Variants in SZT2 observed in about 807,000 individuals in gnomAD.
SZT2 encodes the protein SZT2 subunit of KICSTOR complex, also known as KICSTOR complex protein SZT2.
Under a neutral mutation model 404.2 loss-of-function variants are expected in SZT2, and 216 were observed. That is an observed-to-expected ratio of 0.53 (90% confidence interval 0.48 to 0.60). SZT2 has a LOEUF of 0.60. Among genes scored for constraint, SZT2 ranks in the 20% least tolerant of loss-of-function variants. The pLI is 0.00. For missense variants in SZT2, 3,857 were observed against 4,459.2 expected (o/e 0.86, Z 3.85); for synonymous variants, 1,693 against 1,749.9 (o/e 0.97, Z 0.81).
At chr1:43,440,272 A>G (rs1290817217) in intron 51 of SZT2, among the ~76,000 whole-genome samples, 181 bp from the exon 52 acceptor site, 2 of 152,204 alleles carry the variant, frequency 1.3e-5, no homozygotes, top group Non-Finnish European at 2.9e-5. Flanking sequence ...AGAGAGGGCT[A>G]TTGCATCAGA....
rs756262714 is a variant in SZT2 at position 43,451,956 on chromosome 1, A to C, written c.*1476A>C. The C allele has an allele frequency of 6.2e-7, 1 of 1,612,170 alleles. No individual in the cohort carries two copies. On this transcript the variant is annotated 3_prime_UTR_variant, in exon 72 of 72. Coordinates refer to ENST00000634258, the MANE Select transcript of SZT2 (RefSeq NM_001365999.1). ...GTACCCTGCTGGGGCGTGTCCAGGA[A>C]GTACTGGGGGTCAGTGATGCGGGTG... is the stretch of plus-strand genomic sequence containing the variant.
chr1:43,434,209 C>A (rs887536665), intron 40 of SZT2, among the ~76,000 whole-genome samples, 177 bp from the exon 41 acceptor site: 6 of 152,206 alleles, frequency 3.9e-5, no homozygotes, highest in African/African-American at 1.4e-4. Flanking sequence ...TTCCATTTCC[C>A]ACCAGGTTTA....
At chr1:43,446,576 G>A (rs1655699383) in intron 65 of SZT2, 160 bp downstream of exon 65, 2 of 826,746 alleles carry the variant, frequency 2.4e-6, no homozygotes, top group Non-Finnish European at 1.9e-6. Context: ...TCATTCTGGT[G>A]CCATGACTGC....
At chr1:43,422,655 A>ACCCCCCCTCCCCCCCC in intron 13 of SZT2, 23 bp downstream of exon 13, 1 of 1,095,026 alleles carries the variant, frequency 9.1e-7, no homozygotes, top group South Asian at 1.5e-5. Context: ...ATGTCCCTTC[A>ACCCCCCCTCCCCCCCC]CCCCCCGCCC....
intron 1 of SZT2, among the ~76,000 whole-genome samples, chr1:43,392,648 C>T (rs985402221): frequency 3.9e-5 from 6 of 152,178 alleles, no homozygotes; most frequent in African/African-American, 1.4e-4. Context: ...CTCCTGTCCT[C>T]GTGATCCGCC....
rs1427564368 is a variant in SZT2, at chr1:43,397,521, T to G, written c.28-5656T>G. 1.1e-3 allele frequency among the ~76,000 whole-genome samples: 167 copies of G among 151,806 alleles called. No individual in the cohort carries two copies. In the East Asian group the frequency reaches 0.022, roughly 20 times the overall value. On this transcript the variant is annotated intron_variant, in intron 1 of 71. Transcript: ENST00000634258. ...GGAAACAAACATTAAAGTATACAAA[T>G]TCTTTTTTTTTTGAGATGGAGAGAT...
chr1:43,452,595 C>T lies in SZT2; in HGVS notation c.*2115C>T. On this transcript the variant is annotated 3_prime_UTR_variant, in exon 72 of 72. Coordinates refer to ENST00000634258, the MANE Select transcript of SZT2 (RefSeq NM_001365999.1). The stretch of plus-strand genomic sequence containing the variant: ...CTCGGTCCTTCTCCGCAACCTGTAA[C>T]CTGCTAAATTCTCACCTTTAAAAAT... The T allele has an allele frequency of 1.7e-6, 1 of 601,000 alleles. No homozygotes were observed. Among genetic ancestry groups the T allele is most frequent in the Non-Finnish European group, 3.0e-6 (1 of 335,750 alleles). The allele number at this position is 601,000 out of a possible 1,614,324, so 37.2% of individuals were successfully genotyped here.
In SZT2 at chr1:43,419,800, A is replaced by G. The variant is rs1652121634; in HGVS notation, c.946A>G (p.Ile316Val). 6.3e-7 allele frequency: 1 copy of G among 1,598,354 alleles called. No individual in the cohort carries two copies. Among genetic ancestry groups the G allele is most frequent in the Admixed American group, 1.7e-5 (1 of 60,000 alleles). The change falls in exon 8 of 72, where the codon ATC becomes GTC. Residue 316 changes from isoleucine to valine, a missense_variant. By Grantham distance (29) the Ile-to-Val change is conservative. Coordinates refer to ENST00000634258, the MANE Select transcript of SZT2 (RefSeq NM_001365999.1). ...GCCCAATGTGGAATTAATGAAGTTC[A>G]TCGCAATGGCAACATTTGGGTCCTA... ...HVPNVELMKF[I>V]AMATFGSYLS...
Position 43,431,736 on chromosome 1 carries a change from T to C in SZT2, c.5109T>C (p.Asp1703=). 6.2e-7 allele frequency: 1 copy of C among 1,613,444 alleles called. No homozygotes were observed. The highest frequency in any genetic ancestry group is 8.5e-7 in the Non-Finnish European group (1 of 1,179,368). The change falls in exon 36 of 72, where the codon GAT becomes GAC. Residue 1703 remains aspartate, a synonymous_variant. Coordinates refer to ENST00000634258, the MANE Select transcript of SZT2 (RefSeq NM_001365999.1). The part of the protein sequence containing the change: ...TMNEIRWLLE[D]EMVGALRRGG... The stretch of plus-strand genomic sequence containing the variant: ...TGTAGATCCGCTGGTTGTTGGAAGA[T>C]GAGATGGTGGGGGCACTCCGAAGAG...
chr1:43,453,749 G>C lies in SZT2; in HGVS notation c.*3269G>C. 5 of 1,382,942 alleles carry C rather than the reference G, an allele frequency of 3.6e-6. No individual in the cohort carries two copies. The highest frequency in any genetic ancestry group is 4.6e-6 in the Non-Finnish European group (5 of 1,080,354). The allele number at this position is 1,382,942 out of a possible 1,614,324, so 85.7% of individuals were successfully genotyped here. A position where few individuals can be genotyped will look rare whatever the true frequency, so the allele number is the denominator to read the frequency against. On this transcript the variant is annotated 3_prime_UTR_variant, in exon 72 of 72. Transcript: ENST00000634258. ...CCCGCGCGGGGAGGCCGGAGAGCTC[G>C]GGGAATAGCCAGGACAGATTGGCGG...
rs1378431253 is a variant in SZT2 at position 43,445,884 on chromosome 1, T to C, written c.8826-10T>C. On this transcript the variant is annotated splice_polypyrimidine_tract_variant and intron_variant, in intron 62 of 71. Transcript: ENST00000634258. ...TGCCTCATCCTCTTATCCCTCCTCCTTTTCTATAGCACCAGCCGGCCACGG... is the reference window on the plus strand; with the variant it reads ...TGCCTCATCCTCTTATCCCTCCTCCCTTTCTATAGCACCAGCCGGCCACGG... The C allele has an allele frequency of 2.5e-6, 4 of 1,614,094 alleles. No homozygotes were observed. The East Asian group carries it at 8.9e-5, about 36-fold the overall frequency.
In SZT2 at chr1:43,453,856, G is replaced by T. The variant is rs926712112; in HGVS notation, c.*3376G>T. ...CAAAGGCGGCGGGCGGCGGGCGGCG[G>T]GCGGCGGGCGGGGGCGGGGCTCTCC... On this transcript the variant is annotated 3_prime_UTR_variant, in exon 72 of 72. Coordinates refer to ENST00000634258, the MANE Select transcript of SZT2 (RefSeq NM_001365999.1). 4.1e-5 allele frequency: 51 copies of T among 1,231,640 alleles called. No homozygotes were observed. In the African/African-American group the frequency reaches 7.1e-4, roughly 17 times the overall value. The allele number at this position is 1,231,640 out of a possible 1,614,324, so 76.3% of individuals were successfully genotyped here.
At chr1:43,416,450 G>C in intron 6 of SZT2, 85 bp from the exon 7 acceptor site, 1 of 1,149,106 alleles carries the variant, frequency 8.7e-7, no homozygotes, top group Non-Finnish European at 1.3e-6. Context: ...ACACTGAGCC[G>C]TTCAGGACCC....
Position 43,428,232 on chromosome 1 carries a change from TC to T in SZT2, c.3920-6del. On this transcript the variant is annotated splice_region_variant and splice_polypyrimidine_tract_variant and intron_variant, in intron 27 of 71. Coordinates refer to ENST00000634258, the MANE Select transcript of SZT2 (RefSeq NM_001365999.1). ...CTCAAGCCTCATGGCCCCTTCCACT[TC>T]CATCAGGGCTATTCCGCAGCTTGCA... The T allele has an allele frequency of 1.2e-6, 2 of 1,614,096 alleles. No homozygotes were observed.
intron 1 of SZT2, among the ~76,000 whole-genome samples, chr1:43,391,257 T>C (rs1053416576): frequency 6.6e-6 from 1 of 151,650 alleles, no homozygotes; most frequent in African/African-American, 2.4e-5. Flanking sequence ...GAGGTTGCGA[T>C]GAGCTGAGAT....
chr1:43,399,168 C>G (rs796523347), intron 1 of SZT2, among the ~76,000 whole-genome samples: 22 of 152,010 alleles, frequency 1.4e-4, no homozygotes, highest in African/African-American at 5.3e-4. Flanking sequence ...TTGTTACTTT[C>G]CTCCTATGTC....
At chr1:43,432,912 A>G in intron 39 of SZT2, 77 bp from the exon 40 acceptor site, 1 of 1,583,720 alleles carries the variant, frequency 6.3e-7, no homozygotes, top group Non-Finnish European at 8.7e-7. Context: ...GAAGTGCATC[A>G]AGCCAGATGC....
At position 43,390,636 on chromosome 1, in the gene SZT2, C is replaced by G. The variant is rs116015166; in HGVS notation, c.27+641C>G. Among the ~76,000 whole-genome samples the G allele has an allele frequency of 3.2e-3, 494 of 152,290 alleles. 5 individuals are homozygous for G. The highest frequency in any genetic ancestry group is 0.011 in the African/African-American group (462 of 41,556). On this transcript the variant is annotated intron_variant, in intron 1 of 71. Transcript: ENST00000634258. ...TATTCGTTAAATGCTAAGGAACATG[C>G]AAGGAACCTTATATATGTTGTGTCA...
rs568068900 is a variant in SZT2 at position 43,430,979 on chromosome 1, C to T, written c.4805C>T (p.Pro1602Leu). The T allele has an allele frequency of 1.2e-6, 2 of 1,614,076 alleles. No individual in the cohort carries two copies. Among genetic ancestry groups the T allele is most frequent in the Admixed American group, 3.3e-5 (2 of 59,990 alleles). Residue 1602 changes from proline to leucine, a missense_variant, in exon 33 of 72, where the codon CCA (proline) becomes CTA (leucine). By Grantham distance (98) the Pro-to-Leu change is moderately conservative. Coordinates refer to ENST00000634258, the MANE Select transcript of SZT2 (RefSeq NM_001365999.1). Reference protein sequence around the residue: ...GQVLSSLEGPPVGGRVPLRDL... With the variant: ...GQVLSSLEGPLVGGRVPLRDL... ...GTGCTTTCCAGTCTGGAGGGCCCCC[C>T]AGTTGGAGGCCGAGTTCCCTTGAGG...
Sources: gnomAD v4.1 joint callset for allele counts (sites outside exome capture counted in the v4.1 genomes callset) on GRCh38, gnomAD v4.1.1 for gene constraint, MANE v1.5 for transcripts, NCBI Gene and HGNC (gene_info 2026-07-23, HGNC 2026-07-21) for gene names.